Variants in RUSC1 observed in about 807,000 individuals in gnomAD.
RUSC1 encodes the protein AP-4 complex accessory subunit RUSC1.
Under a neutral mutation model 72.1 loss-of-function variants are expected in RUSC1, and 40 were observed. The ratio of observed to expected loss-of-function variants is 0.55; its 90% CI spans 0.43 to 0.72. The LOEUF (loss-of-function observed/expected upper bound fraction) is 0.72. RUSC1 is among the 30% of genes least tolerant of loss of function. RUSC1 has a pLI of 0.00. For missense variants in RUSC1, 1,092 were observed against 1,172.3 expected (o/e 0.93, Z 1.00); for synonymous variants, 512 against 494.2 (o/e 1.04, Z -0.48).
Position 155,328,054 on chromosome 1 carries a change from C to T in RUSC1, c.2415-96C>T, listed in dbSNP as rs112375223. ...CTAACCCCTGACCTCTTTTGAACCA[C>T]AATTAGGCCCCTTAGCCTCTCCCTC... On this transcript the variant is annotated intron_variant, in intron 8 of 9. Coordinates refer to ENST00000368352, the MANE Select transcript of RUSC1 (RefSeq NM_001105203.2). 11 of 1,488,230 alleles carry T rather than the reference C, an allele frequency of 7.4e-6. 1 individual carries two copies. The African/African-American group carries it at 9.8e-5, about 13-fold the overall frequency. 92.2% of individuals were successfully genotyped at this position (1,488,230 alleles called of 1,614,324 possible).
At chr1:155,323,191 T>C in intron 2 of RUSC1, 61 bp downstream of exon 2, 1 of 1,378,882 alleles carries the variant, frequency 7.3e-7, no homozygotes, top group South Asian at 1.7e-5. Flanking sequence ...CTCCTAGGCT[T>C]CCAACCCGGC....
chr1:155,322,172 C>T lies in RUSC1; in HGVS notation c.399C>T (p.His133=). The T allele has an allele frequency of 3.7e-6, 6 of 1,601,766 alleles. No individual in the cohort carries two copies. The highest frequency in any genetic ancestry group is 5.1e-6 in the Non-Finnish European group (6 of 1,172,098). Residue 133 remains histidine (H), a synonymous_variant, in exon 2 of 10, where the codon CAC becomes CAT. Coordinates refer to ENST00000368352, the MANE Select transcript of RUSC1 (RefSeq NM_001105203.2). ...LRDLPGDEDA[H]PQPSIIPLEQ... ...ACCTCCCTGGTGATGAGGATGCCCA[C>T]CCTCAGCCCAGTATCATCCCCCTGG...
intron 2 of RUSC1, chr1:155,323,798 C>T: frequency 2.0e-6 from 1 of 506,256 alleles, no homozygotes; most frequent in Non-Finnish European, 2.6e-6. Flanking sequence ...AGCCCATCGC[C>T]TCCGCCCAGG....
intron 9 of RUSC1, among the ~76,000 whole-genome samples, chr1:155,329,851 G>A (rs1467720947): frequency 1.3e-5 from 2 of 151,512 alleles, no homozygotes; most frequent in African/African-American, 2.4e-5. Context: ...CCAGCTACTC[G>A]GGAGGCTGAG....
intron 2 of RUSC1, chr1:155,324,643 G>T: frequency 6.6e-7 from 1 of 1,520,306 alleles, no homozygotes; most frequent in Non-Finnish European, 8.8e-7. Context: ...CTGGGGGACA[G>T]CGAGTGCTGG....
chr1:155,329,237 C>A (rs1651755067), intron 9 of RUSC1, among the ~76,000 whole-genome samples: 1 of 151,510 alleles, frequency 6.6e-6, no homozygotes, highest in Admixed American at 6.6e-5. Context: ...AGGCACCTGC[C>A]ACCATGCCTG....
At chr1:155,324,332 C>A in intron 2 of RUSC1, 4 of 1,594,170 alleles carry the variant, frequency 2.5e-6, no homozygotes, top group Non-Finnish European at 3.4e-6. Context: ...CGGGTTTCCC[C>A]TTTCCGGCGC....
chr1:155,328,396 C>A, intron 9 of RUSC1, 121 bp downstream of exon 9: 2 of 1,052,382 alleles, frequency 1.9e-6, no homozygotes, highest in Non-Finnish European at 2.6e-6. Flanking sequence ...TGCATTGCAG[C>A]TTTTCTATTT....
intron 2 of RUSC1, 45 bp from the exon 3 acceptor site, chr1:155,324,800 A>C (rs1274896209): frequency 1.9e-6 from 3 of 1,613,872 alleles, no homozygotes; most frequent in Non-Finnish European, 2.5e-6. Context: ...AGTCCTCGGA[A>C]TAACACTTGG....
rs1651427048 is a variant in RUSC1, at chr1:155,326,544, C to T, written c.1862-36C>T. On this transcript the variant is annotated intron_variant, in intron 7 of 9. Transcript: ENST00000368352. The surrounding 1 kb of genome is among the most constrained non-coding windows in gnomAD (Gnocchi z 4.7). The stretch of plus-strand genomic sequence containing the variant: ...CTGGGGGGTCTTCTGGGACTAGGTC[C>T]AGGGCAGGAGCTGATGTTGGCCTGC... 3 of 1,569,482 alleles carry T rather than the reference C, an allele frequency of 1.9e-6. No homozygotes were observed. The highest frequency in any genetic ancestry group is 2.2e-4 in the Middle Eastern group (1 of 4,650).
rs1271710485 is a variant in RUSC1, at chr1:155,330,856, A to G, written c.*285A>G. On this transcript the variant is annotated 3_prime_UTR_variant, in exon 10 of 10. Transcript: ENST00000368352. ...GTCTTCCTTCCTATCTATCTGCAAA[A>G]TGGAAATCTAGACCTCCTTCTTCAT... 3.5e-6 allele frequency: 1 copy of G among 281,890 alleles called. No homozygotes were observed. Among genetic ancestry groups the G allele is most frequent in the African/African-American group, 2.2e-5 (1 of 44,556 alleles). 17.5% of individuals were successfully genotyped at this position (281,890 alleles called of 1,614,324 possible). A position where few individuals can be genotyped will look rare whatever the true frequency, so the allele number is the denominator to read the frequency against.
chr1:155,326,706 T>C lies in RUSC1; in HGVS notation c.1988T>C (p.Leu663Pro). 2 of 1,613,546 alleles carry C rather than the reference T, an allele frequency of 1.2e-6. No individual in the cohort carries two copies. The highest frequency in any genetic ancestry group is 1.7e-6 in the Non-Finnish European group (2 of 1,180,030). Residue 663 changes from leucine (L) to proline (P), a missense_variant, in exon 8 of 10, where the codon CTG becomes CCG. By Grantham distance (98) the Leu-to-Pro change is moderately conservative. Transcript: ENST00000368352. This position sits in a 1 kb window ranked among gnomAD's most constrained non-coding sequence, Gnocchi z 4.7. ...PLSVLTFHLD[L>P]LFEHHHHLPL... ...TCGGTGCTCACTTTCCACCTGGACCTGCTCTTTGAGCACCACCACCACCTG... is the reference window on the plus strand; with the variant it reads ...TCGGTGCTCACTTTCCACCTGGACCCGCTCTTTGAGCACCACCACCACCTG...
In RUSC1 at chr1:155,326,987, C is replaced by T. The variant is rs759995556; in HGVS notation, c.2269C>T (p.Arg757Cys). The change falls in exon 8 of 10, where the codon CGT becomes TGT. Residue 757 changes from arginine to cysteine, a missense_variant. Transcript: ENST00000368352. The surrounding 1 kb of genome is among the most constrained non-coding windows in gnomAD (Gnocchi z 4.7). ...GFPLSRWAPG[R>C]HGTAAEEGAQ... The stretch of plus-strand genomic sequence containing the variant: ...TCCTCTTTCCCGATGGGCACCGGGG[C>T]GTCATGGGACTGCAGCTGAAGAAGG... 4.9e-5 allele frequency: 79 copies of T among 1,613,506 alleles called. No homozygotes were observed. Among genetic ancestry groups the T allele is most frequent in the Admixed American group, 1.0e-4 (6 of 59,996 alleles).
intron 1 of RUSC1, chr1:155,321,406 T>G (rs764045676): frequency 7.2e-7 from 1 of 1,392,498 alleles, no homozygotes; most frequent in Non-Finnish European, 9.6e-7. Context: ...GGAGGTCCAT[T>G]CTGGGCCCGG....
rs1256927952 is a variant in RUSC1, at chr1:155,325,162, G to A, written c.1517G>A (p.Arg506Gln). 1.2e-6 allele frequency: 2 copies of A among 1,614,256 alleles called. No homozygotes were observed. Among genetic ancestry groups the A allele is most frequent in the Non-Finnish European group, 8.5e-7 (1 of 1,180,048 alleles). Residue 506 changes from arginine (R) to glutamine (Q), a missense_variant, in exon 4 of 10, where the codon CGG (arginine) becomes CAG (glutamine). Transcript: ENST00000368352. This position sits in a 1 kb window ranked among gnomAD's most constrained non-coding sequence, Gnocchi z 6.5. ...DKIISHFGAA[R>Q]NLVQKAQLGD... ...ATCATCTCGCATTTCGGGGCCGCCC[G>A]GAACTTGGTGCAGAAGGTGAAGGTG...
At chr1:155,324,338 G>A (rs373474926) in intron 2 of RUSC1, 3 of 1,595,624 alleles carry the variant, frequency 1.9e-6, no homozygotes, top group Non-Finnish European at 1.7e-6. Flanking sequence ...TCCCCTTTCC[G>A]GCGCCTTCCA....
At chr1:155,321,014 G>GTGTAGACC in intron 1 of RUSC1, 23 bp downstream of exon 1, 2 of 1,502,378 alleles carry the variant, frequency 1.3e-6, no homozygotes, top group Non-Finnish European at 1.8e-6. Context: ...CGGCCCATGG[G>GTGTAGACC]TGTAGACCGA....
intron 2 of RUSC1, chr1:155,323,956 G>C: frequency 1.3e-5 from 13 of 994,956 alleles, no homozygotes; most frequent in Non-Finnish European, 1.6e-5. Context: ...AAGCAAGTTT[G>C]TCGGCCTTGG....
intron 1 of RUSC1, chr1:155,321,435 C>G: frequency 2.8e-6 from 4 of 1,416,622 alleles, no homozygotes; most frequent in Non-Finnish European, 2.8e-6. Flanking sequence ...CAGGCCCCCG[C>G]CCCCCTTCGG....
Sources: gnomAD v4.1 joint callset for allele counts (sites outside exome capture counted in the v4.1 genomes callset) on GRCh38, gnomAD v4.1.1 for gene constraint, Gnocchi (gnomAD v3.1) non-coding constraint, MANE v1.5 for transcripts, NCBI Gene and HGNC (gene_info 2026-07-23, HGNC 2026-07-21) for gene names.